The following SMIM14 variants were observed in gnomAD, a reference collection of about 807,000 sequenced individuals.
SMIM14 encodes the protein chromosome 4 open reading frame 34.
SMIM14 carries 5 observed loss-of-function variants against 12.6 expected under a neutral mutation model. The observed-to-expected ratio is 0.40, with a 90% CI of 0.21 to 0.83. The LOEUF is 0.83. SMIM14 is among the 40% of genes least tolerant of loss of function. The pLI is 0.37. For synonymous variants in SMIM14, 30 were observed against 40.1 expected, an observed-to-expected ratio of 0.75 and a Z score of 0.95; for missense variants, 86 against 119.1, an observed-to-expected ratio of 0.72 and a Z score of 1.29.
intron 2 of SMIM14, among the ~76,000 whole-genome samples, chr4:39,582,802 A>G (rs1315078266): frequency 6.6e-6 from 1 of 151,514 alleles, no homozygotes; most frequent in East Asian, 1.9e-4. Flanking sequence ...ATTTTTATTT[A>G]TTTATTTTTG....
intron 2 of SMIM14, among the ~76,000 whole-genome samples, chr4:39,581,957 C>T (rs946120541): frequency 3.3e-5 from 5 of 151,708 alleles, no homozygotes; most frequent in Admixed American, 1.3e-4. Flanking sequence ...CTGCAACCTC[C>T]GCCTCCTGGA....
At chr4:39,570,931 T>C (rs1443225437) in intron 3 of SMIM14, among the ~76,000 whole-genome samples, 1 of 152,198 alleles carries the variant, frequency 6.6e-6, no homozygotes, top group African/African-American at 2.4e-5. Context: ...TATGCCAGGC[T>C]TCACCATCTT....
chr4:39,570,293 T>A (rs892936348), intron 3 of SMIM14, among the ~76,000 whole-genome samples: 1 of 151,886 alleles, frequency 6.6e-6, no homozygotes, highest in African/African-American at 2.4e-5. Context: ...CCAGAGCAGC[T>A]GGGACTACAG....
intron 2 of SMIM14, chr4:39,593,276 C>T (rs1014701467): frequency 2.0e-5 from 3 of 152,064 alleles, no homozygotes; most frequent in Non-Finnish European, 4.4e-5. Flanking sequence ...TGTAATCCAG[C>T]ATATAAACAG....
chr4:39,614,040 A>G (rs1049553716), intron 1 of SMIM14, among the ~76,000 whole-genome samples: 2 of 151,914 alleles, frequency 1.3e-5, no homozygotes, highest in African/African-American at 4.8e-5. Context: ...TAAAAATACA[A>G]AAATTTGCTG....
chr4:39,578,364 A>G (rs1578327358), intron 2 of SMIM14, among the ~76,000 whole-genome samples: 1 of 152,128 alleles, frequency 6.6e-6, no homozygotes. Flanking sequence ...CCTAATTTAC[A>G]ATGTATCTCA....
At chr4:39,610,713 C>T (rs561146608) in intron 1 of SMIM14, among the ~76,000 whole-genome samples, 1 of 148,966 alleles carries the variant, frequency 6.7e-6, no homozygotes, top group East Asian at 2.0e-4. Flanking sequence ...AAAAAAAAAA[C>T]TGAAAGAACA....
At chr4:39,569,736 C>CA (rs34564206) in intron 3 of SMIM14, among the ~76,000 whole-genome samples, 18 of 144,134 alleles carry the variant, frequency 1.2e-4, no homozygotes, top group South Asian at 2.2e-4. Context: ...GACTCTGTCT[C>CA]AAAAAAAAAA....
chr4:39,634,131 G>A (rs997678186), intron 1 of SMIM14, among the ~76,000 whole-genome samples: 8 of 152,130 alleles, frequency 5.3e-5, no homozygotes, highest in Admixed American at 5.2e-4. Context: ...ATTTCACCAC[G>A]TTGGTCAGGA....
intron 1 of SMIM14, among the ~76,000 whole-genome samples, chr4:39,613,053 C>T (rs149001987): frequency 3.4e-4 from 51 of 152,230 alleles, no homozygotes; most frequent in African/African-American, 1.2e-3. Context: ...AATTGTAAAA[C>T]ATGGCTATTT....
chr4:39,558,993 C>A lies in SMIM14; in HGVS notation c.125-2423G>T, dbSNP rs1712151184. Among the ~76,000 whole-genome samples the A allele has an allele frequency of 6.6e-6, 1 of 152,242 alleles. No individual in the cohort carries two copies. Among genetic ancestry groups the A allele is most frequent in the African/African-American group, 2.4e-5 (1 of 41,474 alleles). ...AAAGTGCTGGGATTACAGGCATGAG[C>A]CACCGCGCCTGGCTGCAGTTTCTTA... On this transcript the variant is annotated intron_variant, in intron 3 of 4. Coordinates refer to ENST00000295958, the MANE Select transcript of SMIM14 (RefSeq NM_174921.3). The surrounding 1 kb of genome is among the most constrained non-coding windows in gnomAD (Gnocchi z 4.3).
chr4:39,626,478 G>T (rs773422064), intron 1 of SMIM14, among the ~76,000 whole-genome samples: 1 of 152,116 alleles, frequency 6.6e-6, no homozygotes, highest in Non-Finnish European at 1.5e-5. Flanking sequence ...CAGGAGGTGG[G>T]ATTCAAACGC....
intron 3 of SMIM14, among the ~76,000 whole-genome samples, chr4:39,562,865 A>C (rs1712383557): frequency 6.8e-6 from 1 of 146,100 alleles, no homozygotes; most frequent in Non-Finnish European, 1.5e-5. Flanking sequence ...GCTTGTCCCT[A>C]ACTCCTGAGC....
chr4:39,605,028 G>GA (rs1279720028), intron 2 of SMIM14, 43 bp downstream of exon 2: 1 of 1,175,098 alleles, frequency 8.5e-7, no homozygotes, highest in Non-Finnish European at 1.3e-6. Flanking sequence ...GGATACAAGG[G>GA]ATACAGATCA....
At chr4:39,569,465 G>A (rs1233079867) in intron 3 of SMIM14, among the ~76,000 whole-genome samples, 2 of 152,156 alleles carry the variant, frequency 1.3e-5, no homozygotes, top group African/African-American at 2.4e-5. Context: ...GAGATGTTAC[G>A]TATCAGCAAC....
intron 2 of SMIM14, among the ~76,000 whole-genome samples, chr4:39,603,343 G>T (rs547885985): frequency 6.6e-6 from 1 of 152,086 alleles, no homozygotes; most frequent in Admixed American, 6.6e-5. Flanking sequence ...TGGATCACGA[G>T]GTCAGGAGAT....
Position 39,592,763 on chromosome 4 carries a change from T to C in SMIM14, c.75+12308A>G, listed in dbSNP as rs559798492. ...AGAAATACAAACTATCATCAGAGAATACTACAAACGCCTCTACGCAAAGAA... is the reference window on the plus strand; with the variant it reads ...AGAAATACAAACTATCATCAGAGAACACTACAAACGCCTCTACGCAAAGAA... On this transcript the variant is annotated intron_variant, in intron 2 of 4. Transcript: ENST00000295958. 1.7e-3 allele frequency: 259 copies of C among 152,232 alleles called. 1 individual carries two copies. Among genetic ancestry groups the C allele is most frequent in the African/African-American group, 5.8e-3 (243 of 41,550 alleles). 9.4% of individuals were successfully genotyped at this position (152,232 alleles called of 1,614,324 possible). A position where few individuals can be genotyped will look rare whatever the true frequency, so the allele number is the denominator to read the frequency against.
intron 2 of SMIM14, among the ~76,000 whole-genome samples, chr4:39,592,060 A>G (rs546249268): frequency 2.0e-5 from 3 of 152,066 alleles, no homozygotes; most frequent in Non-Finnish European, 2.9e-5. Flanking sequence ...GCCAGGCACA[A>G]TGGTGTGTAC....
chr4:39,632,558 C>T (rs1026489235), intron 1 of SMIM14, among the ~76,000 whole-genome samples: 10 of 150,976 alleles, frequency 6.6e-5, no homozygotes, highest in African/African-American at 1.9e-4. Flanking sequence ...CTTTGGGAGG[C>T]GAAGCCAGGT....
Sources: gnomAD v4.1 joint callset for allele counts (sites outside exome capture counted in the v4.1 genomes callset) on GRCh38, gnomAD v4.1.1 for gene constraint, Gnocchi (gnomAD v3.1) non-coding constraint, MANE v1.5 for transcripts, NCBI Gene and HGNC (gene_info 2026-07-23, HGNC 2026-07-21) for gene names.